The following FBXL20 variants were observed in gnomAD, a reference collection of about 807,000 sequenced individuals.
FBXL20 encodes F-box/LRR-repeat protein 20.
Under a neutral mutation model 64.0 loss-of-function variants are expected in FBXL20, and 11 were observed. The observed-to-expected ratio is 0.17, with a 90% CI of 0.11 to 0.28. The LOEUF is 0.28. FBXL20 is among the 10% of genes least tolerant of loss of function. The pLI is 1.00. For synonymous variants in FBXL20, 184 were observed against 189.0 expected (o/e 0.97, Z 0.22); for missense variants, 303 against 526.2 (o/e 0.58, Z 4.15).
intron 1 of FBXL20, among the ~76,000 whole-genome samples, chr17:39,375,113 C>T (rs1329831373): frequency 6.6e-6 from 1 of 152,052 alleles, no homozygotes; most frequent in Non-Finnish European, 1.5e-5. Context: ...AGGACAAAGA[C>T]AATACTCACA....
At chr17:39,351,095 G>A (rs1424420981) in intron 1 of FBXL20, among the ~76,000 whole-genome samples, 1 of 152,108 alleles carries the variant, frequency 6.6e-6, no homozygotes. Flanking sequence ...AGCACTTTGG[G>A]AGGCTGAGGT....
rs139361356 is a variant in FBXL20, at chr17:39,361,768, G to A, written c.43-18527C>T. 6.3e-3 allele frequency among the ~76,000 whole-genome samples: 955 copies of A among 152,152 alleles called. 17 individuals are homozygous for A. The highest frequency in any genetic ancestry group is 0.022 in the African/African-American group (913 of 41,506). On this transcript the variant is annotated intron_variant, in intron 1 of 14. Coordinates refer to ENST00000264658, the MANE Select transcript of FBXL20 (RefSeq NM_032875.3). ...GCCGAGATCGCACCACTGCACTCCA[G>A]CCTTAGCGACAGAGCGAGACTCCGT...
At chr17:39,287,244 T>C (rs985697411) in intron 6 of FBXL20, among the ~76,000 whole-genome samples, 5 of 152,110 alleles carry the variant, frequency 3.3e-5, no homozygotes, top group African/African-American at 1.2e-4. Flanking sequence ...AATACTTTAA[T>C]TTATTAATAT....
chr17:39,340,393 C>A (rs185828327), intron 2 of FBXL20, among the ~76,000 whole-genome samples: 2 of 152,182 alleles, frequency 1.3e-5, no homozygotes, highest in Non-Finnish European at 2.9e-5. Flanking sequence ...CCGCGCCCGA[C>A]TAATTTCTGT....
intron 11 of FBXL20, among the ~76,000 whole-genome samples, chr17:39,270,492 C>T (rs1459428566): frequency 6.6e-6 from 1 of 151,826 alleles, no homozygotes; most frequent in African/African-American, 2.4e-5. Context: ...TGCAGTGAGC[C>T]GAGATCGTGT....
At chr17:39,310,269 G>A (rs2047221943) in intron 2 of FBXL20, among the ~76,000 whole-genome samples, 1 of 151,778 alleles carries the variant, frequency 6.6e-6, no homozygotes, top group South Asian at 2.1e-4. Flanking sequence ...AGTCTGCATA[G>A]AACCAGTTTG....
chr17:39,401,274 G>A (rs2048240096), intron 1 of FBXL20, 87 bp downstream of exon 1: 1 of 1,603,404 alleles, frequency 6.2e-7, no homozygotes, highest in East Asian at 2.3e-5. Context: ...CGCCTGCCAG[G>A]GAGGAGGCTC....
At chr17:39,292,222 T>C (rs1325857079) in intron 6 of FBXL20, among the ~76,000 whole-genome samples, 2 of 150,666 alleles carry the variant, frequency 1.3e-5, no homozygotes, top group Admixed American at 6.6e-5. Context: ...ATACCTTTTT[T>C]TCATCTAATT....
chr17:39,398,680 T>G (rs1459471084), intron 1 of FBXL20, among the ~76,000 whole-genome samples: 2 of 135,646 alleles, frequency 1.5e-5, no homozygotes, highest in East Asian at 2.0e-4. Context: ...TTGTTTTTTG[T>G]TTTTTTTTTG....
chr17:39,258,532 T>C lies in FBXL20; in HGVS notation c.*2928A>G, dbSNP rs1005394586. 49 of 152,342 alleles carry C rather than the reference T, an allele frequency of 3.2e-4. No individual in the cohort carries two copies. The highest frequency in any genetic ancestry group is 1.1e-3 in the African/African-American group (47 of 41,574). The allele number at this position is 152,342 out of a possible 1,614,324, so 9.4% of individuals were successfully genotyped here. On this transcript the variant is annotated 3_prime_UTR_variant, in exon 15 of 15. Coordinates refer to ENST00000264658, the MANE Select transcript of FBXL20 (RefSeq NM_032875.3). ...ACAAACAGGCTGGAATTTGCCTTAA[T>C]AGCAGAGATCACCAGAGCAAGTCCC...
At chr17:39,295,784 G>GATATATATATATATATAT (rs10568875) in intron 6 of FBXL20, among the ~76,000 whole-genome samples, 370 of 137,004 alleles carry the variant, frequency 2.7e-3, no homozygotes, top group Middle Eastern at 3.8e-3. Context: ...CAAATATGGA[G>GATATATATATATATATAT]ATATATATAT....
chr17:39,374,307 T>G (rs1421716622), intron 1 of FBXL20, among the ~76,000 whole-genome samples: 2 of 151,818 alleles, frequency 1.3e-5, no homozygotes, highest in African/African-American at 4.8e-5. Context: ...GGTGGTTGGA[T>G]CGCTTGAGGT....
intron 1 of FBXL20, among the ~76,000 whole-genome samples, chr17:39,347,840 C>CTTA (rs1258084208): frequency 4.6e-5 from 7 of 152,084 alleles, no homozygotes; most frequent in African/African-American, 1.7e-4. Context: ...ACATTTAAGT[C>CTTA]TTTAATCCAT....
At chr17:39,400,536 C>T (rs2048231155) in intron 1 of FBXL20, among the ~76,000 whole-genome samples, 1 of 152,266 alleles carries the variant, frequency 6.6e-6, no homozygotes, top group East Asian at 1.9e-4. Flanking sequence ...AAGGAACCTT[C>T]CAGTATATTG....
chr17:39,367,270 G>A (rs987632046), intron 1 of FBXL20, among the ~76,000 whole-genome samples: 3 of 150,926 alleles, frequency 2.0e-5, no homozygotes, highest in African/African-American at 4.9e-5. Flanking sequence ...TCTCATTGTA[G>A]AATTCCTATT....
chr17:39,285,628 T>G (rs188347604), intron 6 of FBXL20, 55 bp from the exon 7 acceptor site: 1 of 1,171,208 alleles, frequency 8.5e-7, no homozygotes, highest in African/African-American at 1.5e-5. Context: ...TACACATCCT[T>G]GGTATATCAG....
rs183683362 is a variant in FBXL20, at chr17:39,369,778, G to T, written c.43-26537C>A. On this transcript the variant is annotated intron_variant, in intron 1 of 14. Transcript: ENST00000264658. ...AGCCTCCCCAGTAGCTGGGACCACA[G>T]GCATGTGGTCCACACCCCACTACTT... 4.7e-3 allele frequency among the ~76,000 whole-genome samples: 710 copies of T among 152,242 alleles called. 5 individuals carry two copies. The highest frequency in any genetic ancestry group is 5.1e-3 in the Admixed American group (78 of 15,288).
At chr17:39,271,733 A>G (rs192428956) in intron 10 of FBXL20, among the ~76,000 whole-genome samples, 1 of 152,156 alleles carries the variant, frequency 6.6e-6, no homozygotes, top group Admixed American at 6.5e-5. Flanking sequence ...GTTGAGAGGG[A>G]AGCTGAGCTG....
At position 39,260,948 on chromosome 17, in the gene FBXL20, A is replaced by C. The variant is rs1346487936; in HGVS notation, c.*512T>G. 3 of 155,624 alleles carry C rather than the reference A, an allele frequency of 1.9e-5. No individual in the cohort carries two copies. Among genetic ancestry groups the C allele is most frequent in the Admixed American group, 6.3e-5 (1 of 15,944 alleles). 9.6% of individuals were successfully genotyped at this position (155,624 alleles called of 1,614,324 possible). On this transcript the variant is annotated 3_prime_UTR_variant, in exon 15 of 15. Transcript: ENST00000264658. ...TGCTCAGCATGTTGGCATGGAAACA[A>C]GGAAGCATAGAAGCTCTTTAGTCAC...
Sources: allele counts gnomAD v4.1 joint callset (sites outside exome capture counted in the v4.1 genomes callset), GRCh38; gene constraint gnomAD v4.1.1; transcripts MANE v1.5; gene names NCBI Gene and HGNC (gene_info 2026-07-23, HGNC 2026-07-21).